The following NR2C2 variants were observed in gnomAD, a reference collection of about 807,000 sequenced individuals.
The protein encoded by NR2C2 is Nuclear hormone receptor TR4.
A neutral mutation model predicts 62.9 loss-of-function variants in NR2C2; 6 were observed. That is an observed-to-expected ratio of 0.10 (90% CI 0.05 to 0.19). The LOEUF (loss-of-function observed/expected upper bound fraction) is 0.19, where lower values mean the gene tolerates loss of function less well. Among genes scored for constraint, NR2C2 ranks in the 10% least tolerant of loss-of-function variants. The pLI is 1.00. For synonymous variants in NR2C2, 272 were observed against 273.8 expected (o/e 0.99, Z 0.07); for missense variants, 479 against 762.7 (o/e 0.63, Z 4.38).
At chr3:15,039,368 A>C (rs1253071997) in intron 13 of NR2C2, 141 bp downstream of exon 13, 2 of 645,226 alleles carry the variant, frequency 3.1e-6, no homozygotes, top group African/African-American at 3.7e-5. Context: ...CTAATTCTTG[A>C]GTTTTCTTTG....
chr3:15,038,254 A>G (rs944577301), intron 12 of NR2C2, 117 bp downstream of exon 12: 2 of 1,098,432 alleles, frequency 1.8e-6, no homozygotes, highest in Non-Finnish European at 2.5e-6. Context: ...TATGTGACCT[A>G]GTGTTCTTAT....
intron 5 of NR2C2, among the ~76,000 whole-genome samples, chr3:15,021,873 T>C (rs2041677028): frequency 6.6e-6 from 1 of 152,258 alleles, no homozygotes; most frequent in Admixed American, 6.5e-5. Context: ...AATGTATTTT[T>C]TGAGAAATTA....
intron 7 of NR2C2, among the ~76,000 whole-genome samples, chr3:15,025,193 A>T (rs1308190918): frequency 1.3e-5 from 2 of 152,230 alleles, no homozygotes; most frequent in Non-Finnish European, 2.9e-5. Flanking sequence ...GCCTGAAAGT[A>T]AGGCCCAGAT....
intron 1 of NR2C2, chr3:14,948,815 T>G (rs1411583167): frequency 6.6e-6 from 1 of 152,246 alleles, no homozygotes; most frequent in Non-Finnish European, 1.5e-5. Flanking sequence ...GCTCGTTATT[T>G]CGCAGCGGCC....
rs958647001 is a variant in NR2C2 at position 15,015,019 on chromosome 3, G to C, written c.274-1133G>C. Among the ~76,000 whole-genome samples the C allele has an allele frequency of 1.3e-5, 2 of 152,180 alleles. 1 individual carries two copies. The highest frequency in any genetic ancestry group is 2.9e-5 in the Non-Finnish European group (2 of 68,024). ...TGGGATCAGAACGCCAACATGTTCAGCTTTCAGAACTGTTCTTTTAGACAC... is the reference window on the plus strand; with the variant it reads ...TGGGATCAGAACGCCAACATGTTCACCTTTCAGAACTGTTCTTTTAGACAC... On this transcript the variant is annotated intron_variant, in intron 3 of 13. Coordinates refer to ENST00000425241, the MANE Select transcript of NR2C2 (RefSeq NM_001291694.2).
intron 11 of NR2C2, among the ~76,000 whole-genome samples, chr3:15,035,820 C>T (rs1483585895): frequency 2.0e-5 from 3 of 152,208 alleles, no homozygotes; most frequent in East Asian, 1.9e-4. Flanking sequence ...TGAGCTTGGG[C>T]GTTCGAAACC....
At chr3:14,949,172 A>T (rs557587420) in intron 1 of NR2C2, among the ~76,000 whole-genome samples, 7 of 133,364 alleles carry the variant, frequency 5.2e-5, no homozygotes, top group African/African-American at 2.0e-4. Context: ...CCCTCACTAG[A>T]GTTGGGGGCT....
At chr3:15,035,254 G>T (rs556162484) in intron 11 of NR2C2, among the ~76,000 whole-genome samples, 1 of 152,152 alleles carries the variant, frequency 6.6e-6, no homozygotes, top group Non-Finnish European at 1.5e-5. Context: ...ATCATTCCAG[G>T]TACTCCATCC....
intron 1 of NR2C2, among the ~76,000 whole-genome samples, chr3:15,000,482 G>A (rs1468019995): frequency 5.9e-5 from 9 of 152,226 alleles, no homozygotes; most frequent in Admixed American, 5.9e-4. Flanking sequence ...GAACATGGGA[G>A]TGCAGACATC....
intron 1 of NR2C2, among the ~76,000 whole-genome samples, chr3:14,999,383 A>G (rs1261823043): frequency 6.6e-6 from 1 of 152,234 alleles, no homozygotes; most frequent in African/African-American, 2.4e-5. Flanking sequence ...CTAGCTGCTC[A>G]GGAAGCTGAG....
At position 15,039,095 on chromosome 3, in the gene NR2C2, T is replaced by TTG. The variant is rs758240332; in HGVS notation, c.1511-27_1511-26insTG. The TTG allele has an allele frequency of 1.6e-5, 23 of 1,443,274 alleles. No homozygotes were observed. In the African/African-American group the frequency reaches 2.7e-4, roughly 17 times the overall value. 89.4% of individuals were successfully genotyped at this position (1,443,274 alleles called of 1,614,324 possible). On this transcript the variant is annotated intron_variant, in intron 12 of 13. Coordinates refer to ENST00000425241, the MANE Select transcript of NR2C2 (RefSeq NM_001291694.2). ...GAGACTTTTCAAATACAGAGGGAAC[T>TTG]GGGGGGGGGTACTTTTCTGTTTTCA...
Position 15,023,208 on chromosome 3 carries a change from A to C in NR2C2, c.565A>C (p.Ser189Arg). The C allele has an allele frequency of 6.2e-7, 1 of 1,614,220 alleles. No individual in the cohort carries two copies. The highest frequency in any genetic ancestry group is 8.5e-7 in the Non-Finnish European group (1 of 1,180,014). The part of the protein sequence containing the change: ...EMGMKMESVQ[S>R]ERKPFDVQRE... ...TTATGTTGTGATTTAAGCTGTGCAG[A>C]GTGAACGGAAGCCCTTCGATGTGCA... is the stretch of plus-strand genomic sequence containing the variant. The change falls in exon 6 of 14, where the codon AGT becomes CGT. Residue 189 changes from serine to arginine, a missense_variant. By Grantham distance (110) the Ser-to-Arg change is moderately radical (BLOSUM62 -1). Coordinates refer to ENST00000425241, the MANE Select transcript of NR2C2 (RefSeq NM_001291694.2).
At chr3:14,979,301 T>C (rs1475826606) in intron 1 of NR2C2, among the ~76,000 whole-genome samples, 1 of 152,220 alleles carries the variant, frequency 6.6e-6, no homozygotes, top group African/African-American at 2.4e-5. Flanking sequence ...ATTGAAATTG[T>C]TCATTGATGG....
At chr3:14,983,356 T>C (rs887913431) in intron 1 of NR2C2, among the ~76,000 whole-genome samples, 2 of 152,088 alleles carry the variant, frequency 1.3e-5, no homozygotes, top group Non-Finnish European at 2.9e-5. Context: ...ATGATTTCTC[T>C]TTTTTGATCA....
intron 1 of NR2C2, among the ~76,000 whole-genome samples, chr3:15,000,108 T>TA (rs143891534): frequency 0.014 from 2,060 of 151,372 alleles, 48 homozygotes; most frequent in African/African-American, 0.047. Flanking sequence ...GCAATAGGTC[T>TA]AAAAAAAAAG....
intron 1 of NR2C2, chr3:14,948,547 G>T (rs1172572452): frequency 1.3e-5 from 2 of 152,398 alleles, no homozygotes; most frequent in African/African-American, 4.8e-5. Flanking sequence ...AGCCCTGGCG[G>T]GGCGGGAGTA....
At chr3:15,030,524 A>G in intron 9 of NR2C2, 72 bp downstream of exon 9, 1 of 1,442,638 alleles carries the variant, frequency 6.9e-7, no homozygotes, top group Non-Finnish European at 9.2e-7. Context: ...GCCGATCTGC[A>G]GTTTTAAAAA....
At chr3:14,984,079 G>T (rs1193182009) in intron 1 of NR2C2, among the ~76,000 whole-genome samples, 2 of 151,962 alleles carry the variant, frequency 1.3e-5, no homozygotes. Flanking sequence ...GTAGAGATGG[G>T]ATTTCTCCAT....
In NR2C2 at chr3:15,039,112, C is replaced by T; in HGVS notation, c.1511-10C>T. ...GAGGGAACTGGGGGGGGGTACTTTTCTGTTTTCAGATCATCCAGGTTTGAC... is the reference window on the plus strand; with the variant it reads ...GAGGGAACTGGGGGGGGGTACTTTTTTGTTTTCAGATCATCCAGGTTTGAC... On this transcript the variant is annotated splice_polypyrimidine_tract_variant and intron_variant, in intron 12 of 13. Coordinates refer to ENST00000425241, the MANE Select transcript of NR2C2 (RefSeq NM_001291694.2). 1 of 1,601,772 alleles carries T rather than the reference C, an allele frequency of 6.2e-7. No individual in the cohort carries two copies. The highest frequency in any genetic ancestry group is 8.5e-7 in the Non-Finnish European group (1 of 1,170,448).
Sources: allele counts gnomAD v4.1 joint callset (sites outside exome capture counted in the v4.1 genomes callset), GRCh38; gene constraint gnomAD v4.1.1; transcripts MANE v1.5; gene names NCBI Gene and HGNC (gene_info 2026-07-23, HGNC 2026-07-21).